Variants in SV2C observed in about 807,000 individuals in gnomAD.
SV2C encodes solute carrier family 22 member B3.
A neutral mutation model predicts 79.7 loss-of-function variants in SV2C; 49 were observed. That is an observed-to-expected ratio of 0.61 (90% CI 0.49 to 0.78). The LOEUF (loss-of-function observed/expected upper bound fraction) is 0.78, where lower values mean the gene tolerates loss of function less well. SV2C is among the 30% of genes least tolerant of loss of function. SV2C has a pLI of 0.00. For missense variants in SV2C, 833 were observed against 912.9 expected (o/e 0.91, Z 1.13); for synonymous variants, 334 against 333.2 (o/e 1.00, Z -0.03).
Position 76,329,893 on chromosome 5 carries a change from T to C in SV2C, c.*4346T>C, listed in dbSNP as rs1362510776. The stretch of plus-strand genomic sequence containing the variant: ...GGCATATCGGCTGTATGTTAGGTTT[T>C]CTTTAATCCTCACATCGTGCCAAAC... On this transcript the variant is annotated 3_prime_UTR_variant, in exon 13 of 13. Transcript: ENST00000502798. 2 of 151,634 alleles carry C rather than the reference T, an allele frequency of 1.3e-5. No homozygotes were observed. The highest frequency in any genetic ancestry group is 2.9e-5 in the Non-Finnish European group (2 of 67,850). The allele number at this position is 151,634 out of a possible 1,614,324, so 9.4% of individuals were successfully genotyped here.
At chr5:75,937,219 A>T in the SV2C span, among the ~76,000 whole-genome samples, 1 of 152,240 alleles carries the variant, frequency 6.6e-6, no homozygotes, top group South Asian at 2.1e-4. Flanking sequence ...TGGAGCAAGC[A>T]TCTTTTCTAT....
chr5:76,340,947 C>T (rs1186015043), intron 12 of SV2C, among the ~76,000 whole-genome samples: 1 of 85,384 alleles, frequency 1.2e-5, no homozygotes, highest in East Asian at 2.6e-4. Context: ...TTTTTTTTTC[C>T]GAGATGGAGT....
chr5:75,954,071 G>A, the SV2C span, among the ~76,000 whole-genome samples: 1 of 151,962 alleles, frequency 6.6e-6, no homozygotes, highest in Non-Finnish European at 1.5e-5. Flanking sequence ...AGGTGTAATT[G>A]AGATGGTGAT....
At chr5:76,184,729 G>A (rs547600755) in intron 2 of SV2C, among the ~76,000 whole-genome samples, 38 of 152,190 alleles carry the variant, frequency 2.5e-4, no homozygotes, top group African/African-American at 8.7e-4. Context: ...AATTATCTCT[G>A]CCTGGTCCCA....
At chr5:75,913,776 A>C in the SV2C span, among the ~76,000 whole-genome samples, 1 of 152,162 alleles carries the variant, frequency 6.6e-6, no homozygotes, top group Admixed American at 6.5e-5. Context: ...CCCTAAGGTG[A>C]ATATTTGCAA....
intron 4 of SV2C, among the ~76,000 whole-genome samples, chr5:76,258,912 C>T (rs991472998): frequency 3.9e-5 from 6 of 152,168 alleles, no homozygotes; most frequent in African/African-American, 7.2e-5. Flanking sequence ...AAATATGGAG[C>T]CTTCTGGCTT....
the SV2C span, among the ~76,000 whole-genome samples, chr5:76,038,540 T>A: frequency 6.6e-6 from 1 of 152,312 alleles, no homozygotes; most frequent in South Asian, 2.1e-4. Context: ...TGCAGAGTTG[T>A]CATATAAATG....
the SV2C span, among the ~76,000 whole-genome samples, chr5:75,926,632 A>G: frequency 6.6e-6 from 1 of 152,196 alleles, no homozygotes; most frequent in Non-Finnish European, 1.5e-5. Context: ...TGGAAACAAA[A>G]TATTTCTGAT....
At position 76,151,970 on chromosome 5, in the gene SV2C, A is replaced by C. The variant is rs184316158; in HGVS notation, c.580+19640A>C. 2.0e-5 allele frequency among the ~76,000 whole-genome samples: 3 copies of C among 152,334 alleles called. No individual in the cohort carries two copies. In the East Asian group the frequency reaches 5.8e-4, roughly 29 times the overall value. On this transcript the variant is annotated intron_variant, in intron 2 of 12. Coordinates refer to ENST00000502798, the MANE Select transcript of SV2C (RefSeq NM_014979.4). ...CTTGGAATAGTGTAACAGAGCCCTC[A>C]GGAAAGAGAAAGCTACAGACGGAGC...
chr5:76,224,056 G>C (rs1174509674), intron 4 of SV2C, among the ~76,000 whole-genome samples: 1 of 152,044 alleles, frequency 6.6e-6, no homozygotes, highest in Non-Finnish European at 1.5e-5. Context: ...GGCATATTGG[G>C]GGTTAGAGCT....
intron 4 of SV2C, among the ~76,000 whole-genome samples, chr5:76,271,007 G>T (rs561720525): frequency 1.3e-5 from 2 of 152,128 alleles, no homozygotes; most frequent in South Asian, 2.1e-4. Flanking sequence ...GACCTCAGGT[G>T]ATCTGCCTGC....
chr5:76,228,430 G>T (rs529502137), intron 4 of SV2C, among the ~76,000 whole-genome samples: 40 of 152,314 alleles, frequency 2.6e-4, no homozygotes, highest in African/African-American at 9.4e-4. Flanking sequence ...AAATCTGACT[G>T]TCACAGGTAG....
At chr5:76,240,736 C>T (rs1745758512) in intron 4 of SV2C, among the ~76,000 whole-genome samples, 1 of 152,168 alleles carries the variant, frequency 6.6e-6, no homozygotes. Flanking sequence ...CACACAAGTC[C>T]CTGTCTCAGG....
chr5:75,979,690 A>T, the SV2C span, among the ~76,000 whole-genome samples: 1 of 152,116 alleles, frequency 6.6e-6, no homozygotes, highest in East Asian at 1.9e-4. Flanking sequence ...GAGAACGAAG[A>T]TACAACATAC....
chr5:76,028,361 T>A, the SV2C span, among the ~76,000 whole-genome samples: 1 of 152,216 alleles, frequency 6.6e-6, no homozygotes, highest in Admixed American at 6.5e-5. Flanking sequence ...GTCCACAATA[T>A]TTTGTAAGGA....
At chr5:76,008,599 A>G in the SV2C span, among the ~76,000 whole-genome samples, 1 of 152,108 alleles carries the variant, frequency 6.6e-6, no homozygotes, top group Non-Finnish European at 1.5e-5. Flanking sequence ...TCCAGAATCC[A>G]ACTATTGCTC....
chr5:76,122,617 C>A (rs10076061), intron 1 of SV2C, among the ~76,000 whole-genome samples: 88,840 of 151,570 alleles, frequency 0.59, 28,192 homozygotes, highest in African/African-American at 0.83. Flanking sequence ...CTGCTCCTGA[C>A]TGACTACTGG....
At chr5:76,091,325 A>G (rs546590676) in intron 1 of SV2C, among the ~76,000 whole-genome samples, 5 of 152,152 alleles carry the variant, frequency 3.3e-5, no homozygotes, top group South Asian at 2.1e-4. Context: ...TCTGACCCCA[A>G]TTGTGGCATT....
chr5:76,125,328 T>C (rs916461027), intron 1 of SV2C, among the ~76,000 whole-genome samples: 6 of 152,176 alleles, frequency 3.9e-5, no homozygotes, highest in African/African-American at 1.4e-4. Context: ...GAAATATTAT[T>C]TTAATGTAGA....
Sources: gnomAD v4.1 joint callset for allele counts (sites outside exome capture counted in the v4.1 genomes callset) on GRCh38, gnomAD v4.1.1 for gene constraint, MANE v1.5 for transcripts, NCBI Gene and HGNC (gene_info 2026-07-23, HGNC 2026-07-21) for gene names.